RANBP3L: variants seen among roughly 807,000 people sequenced by gnomAD.
RANBP3L encodes ran-binding protein 3-like.
In RANBP3L, 56 loss-of-function variants were observed where a neutral mutation model predicts 67.2. The observed-to-expected ratio is 0.83, with a 90% CI of 0.67 to 1.04. The LOEUF is 1.04. Ranked by LOEUF, RANBP3L falls within the 50% of genes least tolerant of loss-of-function variation. The probability of loss-of-function intolerance (pLI) is 0.00; values close to 1 mark genes in which losing one functional copy is unlikely to be tolerated. For missense variants in RANBP3L, 496 were observed against 535.5 expected (o/e 0.93, Z 0.73); for synonymous variants, 164 against 181.4 (o/e 0.90, Z 0.77).
At chr5:36,268,332 GT>G (rs1749957341) in intron 4 of RANBP3L, 1 of 1,152,660 alleles carries the variant, frequency 8.7e-7, no homozygotes, top group Admixed American at 3.3e-5. Flanking sequence ...TTCATTTGGA[GT>G]TTTGCTGTTT....
At chr5:36,279,973 GAGA>G (rs2111999835) in intron 1 of RANBP3L, among the ~76,000 whole-genome samples, 1 of 151,924 alleles carries the variant, frequency 6.6e-6, no homozygotes, top group South Asian at 2.1e-4. Flanking sequence ...GAAGAAATTG[GAGA>G]AGATGAGAAA....
At chr5:36,261,821 A>C in intron 7 of RANBP3L, 118 bp downstream of exon 7, 1 of 520,086 alleles carries the variant, frequency 1.9e-6, no homozygotes, top group Non-Finnish European at 3.5e-6. Flanking sequence ...TCTCCTTTCA[A>C]ATGGGAATCT....
At chr5:36,290,904 T>G (rs1751698415) in intron 1 of RANBP3L, among the ~76,000 whole-genome samples, 1 of 147,842 alleles carries the variant, frequency 6.8e-6, no homozygotes, top group Non-Finnish European at 1.5e-5. Flanking sequence ...GCTAATTTTT[T>G]TTTTTTTTTT....
intron 11 of RANBP3L, 95 bp downstream of exon 11, chr5:36,255,375 G>A (rs1338750617): frequency 8.3e-7 from 1 of 1,205,268 alleles, no homozygotes; most frequent in Non-Finnish European, 1.1e-6. Flanking sequence ...GTATTTTATA[G>A]CACATCTCCA....
At chr5:36,255,717 A>C in intron 10 of RANBP3L, 127 bp from the exon 11 acceptor site, 1 of 546,150 alleles carries the variant, frequency 1.8e-6, no homozygotes, top group Non-Finnish European at 3.1e-6. Flanking sequence ...ATGATTTATA[A>C]ACCAGCTTTT....
chr5:36,278,858 T>A (rs1750777794), intron 1 of RANBP3L, among the ~76,000 whole-genome samples: 1 of 152,172 alleles, frequency 6.6e-6, no homozygotes, highest in African/African-American at 2.4e-5. Context: ...TTTAATGATA[T>A]ACCTAAAATC....
At chr5:36,289,561 T>A (rs1338320678) in intron 1 of RANBP3L, among the ~76,000 whole-genome samples, 1 of 152,180 alleles carries the variant, frequency 6.6e-6, no homozygotes, top group East Asian at 1.9e-4. Context: ...AATTCAGTCT[T>A]CTTCAGCTTC....
At chr5:36,281,875 T>C (rs1486746367) in intron 1 of RANBP3L, among the ~76,000 whole-genome samples, 1 of 152,214 alleles carries the variant, frequency 6.6e-6, no homozygotes, top group Admixed American at 6.6e-5. Flanking sequence ...CTGCATAATT[T>C]GAAGGCGTTA....
intron 1 of RANBP3L, among the ~76,000 whole-genome samples, chr5:36,292,698 A>T (rs1270234165): frequency 7.9e-5 from 12 of 151,898 alleles, no homozygotes; most frequent in Non-Finnish European, 1.3e-4. Flanking sequence ...TTTGTCAAAG[A>T]TCAGATAGTT....
chr5:36,251,377 T>C lies in RANBP3L; in HGVS notation c.1290A>G (p.Gln430=), dbSNP rs377611863. The change falls in exon 13 of 14, where the codon CAA becomes CAG. Residue 430 remains glutamine (Q), a synonymous_variant. Coordinates refer to ENST00000296604, the MANE Select transcript of RANBP3L (RefSeq NM_145000.5). ...TCTCATCACAGCTTTCGCAGTTCAA[T>C]TGTTGGGCTGTTTCTGACAGGCTTT... ...QAESLSETAQ[Q]LNCESCDENE... The C allele has an allele frequency of 3.1e-6, 5 of 1,613,328 alleles. No individual in the cohort carries two copies. In the African/African-American group the frequency reaches 6.7e-5, roughly 22 times the overall value.
intron 1 of RANBP3L, among the ~76,000 whole-genome samples, chr5:36,274,309 T>C (rs907310080): frequency 4.6e-5 from 7 of 152,122 alleles, no homozygotes; most frequent in Non-Finnish European, 8.8e-5. Flanking sequence ...TTATTGAAGT[T>C]CAACTGGGGT....
At chr5:36,299,605 A>G (rs1054472048) in intron 1 of RANBP3L, among the ~76,000 whole-genome samples, 1 of 152,120 alleles carries the variant, frequency 6.6e-6, no homozygotes, top group Non-Finnish European at 1.5e-5. Flanking sequence ...CCACAATTTC[A>G]CTTCTAAGAA....
At chr5:36,295,855 G>C (rs1049312676) in intron 1 of RANBP3L, among the ~76,000 whole-genome samples, 4 of 151,848 alleles carry the variant, frequency 2.6e-5, no homozygotes, top group Admixed American at 6.6e-5. Flanking sequence ...ACATCAAAAA[G>C]CCCAAACATG....
chr5:36,290,831 A>C (rs1019453319), intron 1 of RANBP3L, among the ~76,000 whole-genome samples: 4 of 146,546 alleles, frequency 2.7e-5, no homozygotes, highest in African/African-American at 1.0e-4. Flanking sequence ...TCCCGGGTTC[A>C]AGCGATTCTC....
intron 1 of RANBP3L, among the ~76,000 whole-genome samples, chr5:36,292,119 T>C (rs1751831714): frequency 6.6e-6 from 1 of 151,756 alleles, no homozygotes; most frequent in Non-Finnish European, 1.5e-5. Context: ...GATATCTCAT[T>C]GTGGTTTTGA....
intron 11 of RANBP3L, 105 bp downstream of exon 11, chr5:36,255,365 G>A: frequency 9.0e-7 from 1 of 1,114,506 alleles, no homozygotes; most frequent in Non-Finnish European, 1.2e-6. Context: ...ATTTTTTGGT[G>A]TATTTTATAG....
intron 6 of RANBP3L, among the ~76,000 whole-genome samples, chr5:36,262,745 A>C (rs1193242482): frequency 6.6e-6 from 1 of 152,164 alleles, no homozygotes; most frequent in Non-Finnish European, 1.5e-5. Flanking sequence ...AATCAATAAA[A>C]ATAATTTTGA....
rs375178064 is a variant in RANBP3L, at chr5:36,283,170, G to C, written c.92-11859C>G. Among the ~76,000 whole-genome samples, 324 of 152,122 alleles carry C rather than the reference G, an allele frequency of 2.1e-3. 1 individual carries two copies. The highest frequency in any genetic ancestry group is 0.01 in the Middle Eastern group (3 of 294). Reference sequence around the variant, plus strand: ...CCTCCTGAGTTCAAGTAATTCTCGTGCCTCAGCCTCCTGAGTAGCTGGGAT... The same window carrying C: ...CCTCCTGAGTTCAAGTAATTCTCGTCCCTCAGCCTCCTGAGTAGCTGGGAT... On this transcript the variant is annotated intron_variant, in intron 1 of 13. Transcript: ENST00000296604.
chr5:36,283,240 T>A (rs2112028966), intron 1 of RANBP3L, among the ~76,000 whole-genome samples: 1 of 152,132 alleles, frequency 6.6e-6, no homozygotes, highest in East Asian at 1.9e-4. Flanking sequence ...GTATTTTTAG[T>A]AGAGATGGGG....
Sources: gnomAD v4.1 joint callset for allele counts (sites outside exome capture counted in the v4.1 genomes callset) on GRCh38, gnomAD v4.1.1 for gene constraint, MANE v1.5 for transcripts, NCBI Gene and HGNC (gene_info 2026-07-23, HGNC 2026-07-21) for gene names.